The following SBK1 variants were observed in gnomAD, a reference collection of about 807,000 sequenced individuals.
SBK1 encodes the protein serine/threonine-protein kinase SBK1.
In SBK1, 11 loss-of-function variants were observed where a neutral mutation model predicts 24.4. The ratio of observed to expected loss-of-function variants is 0.45; its 90% CI spans 0.28 to 0.75. SBK1 has a LOEUF of 0.75. SBK1 is among the 30% of genes least tolerant of loss of function. SBK1 has a pLI of 0.12. For synonymous variants in SBK1, 308 were observed against 284.4 expected (o/e 1.08, Z -0.83); for missense variants, 467 against 620.5 (o/e 0.75, Z 2.63).
intron 1 of SBK1, among the ~76,000 whole-genome samples, chr16:28,277,229 C>T (rs1430512648): frequency 6.6e-6 from 1 of 151,816 alleles, no homozygotes; most frequent in East Asian, 1.9e-4. Context: ...ACCCCACAAA[C>T]TTAAAGATGG....
intron 1 of SBK1, among the ~76,000 whole-genome samples, chr16:28,303,281 G>T (rs2044691947): frequency 6.6e-6 from 1 of 152,098 alleles, no homozygotes; most frequent in South Asian, 2.1e-4. Context: ...TGTTGAGAGG[G>T]CTTGGAGGCA....
rs943066017 is a variant in SBK1 at position 28,313,901 on chromosome 16, C to T, written c.-7-3484C>T. Among the ~76,000 whole-genome samples, 17 of 152,168 alleles carry T rather than the reference C, an allele frequency of 1.1e-4. No homozygotes were observed. In the East Asian group the frequency reaches 1.4e-3, roughly 12 times the overall value. On this transcript the variant is annotated intron_variant, in intron 1 of 3. Transcript: ENST00000341901. ...GGCCTGGAAGGGAGCCGCTGGGCTG[C>T]GAGAGGATGCGGGGCTCATGGAGTG...
intron 1 of SBK1, among the ~76,000 whole-genome samples, chr16:28,273,648 G>A (rs879700308): frequency 6.6e-6 from 1 of 151,956 alleles, no homozygotes; most frequent in Non-Finnish European, 1.5e-5. Flanking sequence ...TACCCAGGCT[G>A]GTCTTAAACT....
At chr16:28,271,559 C>T (rs1376373813) in intron 1 of SBK1, among the ~76,000 whole-genome samples, 2 of 151,926 alleles carry the variant, frequency 1.3e-5, no homozygotes, top group East Asian at 1.9e-4. Context: ...TCCGTCCCCC[C>T]ACCCCCAAAA....
At chr16:28,274,614 T>C (rs181806272) in intron 1 of SBK1, among the ~76,000 whole-genome samples, 11 of 152,256 alleles carry the variant, frequency 7.2e-5, no homozygotes, top group East Asian at 1.9e-4. Flanking sequence ...ATCGAGCCAC[T>C]GCACTCCAGC....
chr16:28,260,829 G>A (rs769409853), intron 1 of SBK1, among the ~76,000 whole-genome samples: 4 of 152,170 alleles, frequency 2.6e-5, no homozygotes, highest in Non-Finnish European at 5.9e-5. Flanking sequence ...ATGGGCGTGG[G>A]TGCACAGTGC....
At chr16:28,295,791 A>G (rs1038633135) in intron 1 of SBK1, among the ~76,000 whole-genome samples, 2 of 152,154 alleles carry the variant, frequency 1.3e-5, no homozygotes, top group Non-Finnish European at 2.9e-5. Context: ...CTCAGGCCAC[A>G]GCGGGAGAAT....
intron 1 of SBK1, among the ~76,000 whole-genome samples, chr16:28,297,906 G>A (rs572607745): frequency 6.6e-6 from 1 of 152,292 alleles, no homozygotes; most frequent in South Asian, 2.1e-4. Context: ...CCCAGGTGTG[G>A]GTGAGGGCGG....
chr16:28,295,869 TC>T (rs1186665006), intron 1 of SBK1, among the ~76,000 whole-genome samples: 5 of 150,884 alleles, frequency 3.3e-5, no homozygotes, highest in Non-Finnish European at 5.9e-5. Flanking sequence ...CTCCCTTAGG[TC>T]ACCTCCTGGC....
upstream of SBK1, among the ~76,000 whole-genome samples, chr16:28,289,614 A>C (rs1264595813): frequency 1.3e-5 from 2 of 151,954 alleles, no homozygotes; most frequent in African/African-American, 2.4e-5. Flanking sequence ...TAAAAATACA[A>C]AAATTAGCCA....
rs576690039 is a variant in SBK1, at chr16:28,273,559, T to C, written c.257+14057T>C. Among the ~76,000 whole-genome samples the C allele has an allele frequency of 2.0e-5, 3 of 151,658 alleles. No homozygotes were observed. The South Asian group carries it at 6.3e-4, about 32-fold the overall frequency. On this transcript the variant is annotated intron_variant, in intron 1 of 3. Coordinates refer to the SBK1 transcript ENST00000671413. ...TTTTCACTGTGTAGATTGTTTCTTT[T>C]GCTAAGCAGAAGCTTTTTAGTTTGA...
At chr16:28,291,522 AG>A (rs762283053), upstream of SBK1, 2 of 151,712 alleles carry the variant, frequency 1.3e-5, no homozygotes, top group Admixed American at 6.6e-5. Context: ...ATTAAAAAAA[AG>A]AATGAAAAAG....
chr16:28,275,185 C>G (rs1420310965), intron 1 of SBK1, among the ~76,000 whole-genome samples: 3 of 152,050 alleles, frequency 2.0e-5, no homozygotes, highest in Admixed American at 2.0e-4. Flanking sequence ...TACAAATTAG[C>G]CAGTCACTGG....
chr16:28,264,722 G>A (rs1435299712), intron 1 of SBK1, among the ~76,000 whole-genome samples: 1 of 152,144 alleles, frequency 6.6e-6, no homozygotes, highest in Non-Finnish European at 1.5e-5. Flanking sequence ...CAGGGTCATT[G>A]GTAAAAAGAT....
chr16:28,288,809 G>A (rs114618302), upstream of SBK1, among the ~76,000 whole-genome samples: 1,008 of 152,304 alleles, frequency 6.6e-3, 12 homozygotes, highest in African/African-American at 0.023. Flanking sequence ...AGAACACATG[G>A]AGTCCAAAGT....
At chr16:28,299,218 C>T (rs2044662624) in intron 1 of SBK1, among the ~76,000 whole-genome samples, 1 of 152,188 alleles carries the variant, frequency 6.6e-6, no homozygotes, top group Non-Finnish European at 1.5e-5. Context: ...GATATTAGTA[C>T]TTGCCTCTTA....
At chr16:28,267,983 A>T (rs967920410) in intron 1 of SBK1, among the ~76,000 whole-genome samples, 2 of 152,034 alleles carry the variant, frequency 1.3e-5, no homozygotes, top group African/African-American at 4.8e-5. Context: ...CCTTGTCTCT[A>T]AAAAAAGGTA....
At chr16:28,278,720 C>A (rs1024250546) in intron 1 of SBK1, among the ~76,000 whole-genome samples, 12 of 152,122 alleles carry the variant, frequency 7.9e-5, no homozygotes, top group Non-Finnish European at 1.8e-4. Flanking sequence ...CTGCCTCATA[C>A]CAGGCATGAT....
chr16:28,266,741 T>C (rs1173428722), intron 1 of SBK1, among the ~76,000 whole-genome samples: 1 of 147,798 alleles, frequency 6.8e-6, no homozygotes, highest in Non-Finnish European at 1.5e-5. Context: ...TTCTTTTTTT[T>C]TTTTTTTAAA....
Sources: gnomAD v4.1 joint callset for allele counts (sites outside exome capture counted in the v4.1 genomes callset) on GRCh38, gnomAD v4.1.1 for gene constraint, MANE v1.5 for transcripts, NCBI Gene and HGNC (gene_info 2026-07-23, HGNC 2026-07-21) for gene names.